UBN2: variants seen among roughly 807,000 people sequenced by gnomAD.
UBN2 encodes the protein ubinuclein 2.
In UBN2, 35 loss-of-function variants were observed where a neutral mutation model predicts 120.2. The ratio of observed to expected loss-of-function variants is 0.29; its 90% CI spans 0.22 to 0.39. The LOEUF is 0.39. Ranked by LOEUF, UBN2 falls within the 10% of genes least tolerant of loss-of-function variation. UBN2 has a pLI of 1.00. For synonymous variants in UBN2, 661 were observed against 648.7 expected (o/e 1.02, Z -0.29); for missense variants, 1,693 against 1,663.2 (o/e 1.02, Z -0.31).
rs139868110 is a variant in UBN2, at chr7:139,290,226, G to T, written c.3670-3006G>T. Reference sequence around the variant, plus strand: ...TGGGATTACAGGCATGAGCCACCGTGCCTTGCCAACTCTGGTTAATTTTTA... The same window carrying T: ...TGGGATTACAGGCATGAGCCACCGTTCCTTGCCAACTCTGGTTAATTTTTA... On this transcript the variant is annotated intron_variant, in intron 15 of 17. Coordinates refer to ENST00000473989, the MANE Select transcript of UBN2 (RefSeq NM_173569.4). Among the ~76,000 whole-genome samples the T allele has an allele frequency of 4.5e-3, 685 of 152,302 alleles. 9 individuals are homozygous for T. The highest frequency in any genetic ancestry group is 0.015 in the African/African-American group (640 of 41,580).
intron 5 of UBN2, among the ~76,000 whole-genome samples, chr7:139,260,956 A>G (rs1367639995): frequency 2.0e-5 from 3 of 152,242 alleles, no homozygotes; most frequent in Non-Finnish European, 4.4e-5. Context: ...TGTAGTGCAC[A>G]TAGAAGCATT....
intron 2 of UBN2, among the ~76,000 whole-genome samples, chr7:139,238,552 T>G (rs1038254457): frequency 6.6e-6 from 1 of 152,112 alleles, no homozygotes; most frequent in Non-Finnish European, 1.5e-5. Flanking sequence ...GCCACCTGAG[T>G]AGCTGGGATT....
intron 15 of UBN2, among the ~76,000 whole-genome samples, chr7:139,286,385 C>G (rs1280803884): frequency 2.0e-5 from 3 of 152,142 alleles, no homozygotes; most frequent in African/African-American, 7.2e-5. Context: ...TCTCTGTCTT[C>G]CATATCATCT....
At chr7:139,270,738 T>G (rs1585011656) in intron 8 of UBN2, among the ~76,000 whole-genome samples, 1 of 152,020 alleles carries the variant, frequency 6.6e-6, no homozygotes. Context: ...ATACCAGATG[T>G]TCACTTTTTA....
chr7:139,255,604 A>G (rs1290572789), intron 3 of UBN2, among the ~76,000 whole-genome samples: 2 of 152,152 alleles, frequency 1.3e-5, no homozygotes, highest in African/African-American at 4.8e-5. Context: ...AAAATAACTT[A>G]GTGTCTTTGC....
chr7:139,265,666 C>T (rs1333077255), intron 6 of UBN2, among the ~76,000 whole-genome samples: 2 of 151,964 alleles, frequency 1.3e-5, no homozygotes, highest in African/African-American at 2.4e-5. Context: ...CACTTGTATG[C>T]TTAGAAGAGG....
At position 139,293,458 on chromosome 7, in the gene UBN2, C is replaced by A. The variant is rs533336832; in HGVS notation, c.3896C>A (p.Thr1299Asn). 9.9e-6 allele frequency: 16 copies of A among 1,614,044 alleles called. No homozygotes were observed. In the East Asian group the frequency reaches 2.2e-4, roughly 22 times the overall value. The change falls in exon 16 of 18, where the codon ACT becomes AAT. Residue 1299 changes from threonine to asparagine, a missense_variant. By Grantham distance (65) the Thr-to-Asn change is moderately conservative. Transcript: ENST00000473989. ...STSAAFHHSLTQNLLKGLQPG... is the reference protein window; with the variant it reads ...STSAAFHHSLNQNLLKGLQPG... Reference sequence around the variant, plus strand: ...TCAGCCGCTTTCCACCATAGCCTAACTCAGAGTAAGTGGGGCTCTTCTATT... The same window carrying A: ...TCAGCCGCTTTCCACCATAGCCTAAATCAGAGTAAGTGGGGCTCTTCTATT...
In UBN2 at chr7:139,293,935, G is replaced by T. The variant is rs373030596; in HGVS notation, c.3948G>T (p.Thr1316=). Residue 1316 remains threonine, a synonymous_variant, in exon 17 of 18, where the codon ACG becomes ACT. Coordinates refer to ENST00000473989, the MANE Select transcript of UBN2 (RefSeq NM_173569.4). ...LQPGGAQHAA[T]LSHSPLPAHL... ...CAGGAGGAGCTCAGCATGCAGCAACGCTTTCCCACTCACCTCTGCCTGCAC... is the reference window on the plus strand; with the variant it reads ...CAGGAGGAGCTCAGCATGCAGCAACTCTTTCCCACTCACCTCTGCCTGCAC... 7.4e-5 allele frequency: 119 copies of T among 1,613,952 alleles called. 2 individuals carry two copies. The highest frequency in any genetic ancestry group is 2.5e-6 in the Non-Finnish European group (3 of 1,180,012).
intron 15 of UBN2, among the ~76,000 whole-genome samples, chr7:139,291,665 A>T (rs1201882919): frequency 6.6e-6 from 1 of 151,948 alleles, no homozygotes; most frequent in Non-Finnish European, 1.5e-5. Context: ...AGCCTGAGCA[A>T]CACAGACCCC....
At position 139,241,708 on chromosome 7, in the gene UBN2, T is replaced by G. The variant is rs144712662; in HGVS notation, c.561+4611T>G. Among the ~76,000 whole-genome samples, 1,181 of 152,134 alleles carry G rather than the reference T, an allele frequency of 7.8e-3. 5 individuals are homozygous for G. Among genetic ancestry groups the G allele is most frequent in the Middle Eastern group, 0.017 (5 of 294 alleles). ...CTGTCTCTAATAAGAATAAGAATAA[T>G]AAAATCAGCTAGGTGAAGCGGCCCG... On this transcript the variant is annotated intron_variant, in intron 2 of 17. Transcript: ENST00000473989.
Position 139,273,345 on chromosome 7 carries a change from T to C in UBN2, c.1764T>C (p.Asp588=). 1 of 1,610,282 alleles carries C rather than the reference T, an allele frequency of 6.2e-7. No individual in the cohort carries two copies. Among genetic ancestry groups the C allele is most frequent in the Non-Finnish European group, 8.5e-7 (1 of 1,177,892 alleles). ...AAAAAAATGGATCTGAAGAGGATGATGATGAGAAACCAGGAAAACGTGTCA... is the reference window on the plus strand; with the variant it reads ...AAAAAAATGGATCTGAAGAGGATGACGATGAGAAACCAGGAAAACGTGTCA... ...EREKNGSEED[D]DEKPGKRVIG... Residue 588 remains aspartate, a synonymous_variant, in exon 10 of 18, where the codon GAT becomes GAC. Coordinates refer to ENST00000473989, the MANE Select transcript of UBN2 (RefSeq NM_173569.4).
the UBN2 span, among the ~76,000 whole-genome samples, chr7:139,322,617 C>T: frequency 3.1e-4 from 32 of 102,756 alleles, no homozygotes; most frequent in African/African-American, 6.9e-4. Context: ...ACCATCTGGA[C>T]TTTTTTTTTT....
chr7:139,259,168 C>G (rs895471235), intron 4 of UBN2, 99 bp from the exon 5 acceptor site: 4 of 1,510,400 alleles, frequency 2.6e-6, no homozygotes, highest in Non-Finnish European at 3.5e-6. Flanking sequence ...GTAATGCACA[C>G]TGACATTTGA....
At position 139,299,624 on chromosome 7, in the gene UBN2, C is replaced by G. The variant is rs1563232196; in HGVS notation, c.*1788C>G. 1.3e-5 allele frequency: 2 copies of G among 152,072 alleles called. No homozygotes were observed. Among genetic ancestry groups the G allele is most frequent in the Non-Finnish European group, 2.9e-5 (2 of 68,004 alleles). The allele number at this position is 152,072 out of a possible 1,614,324, so 9.4% of individuals were successfully genotyped here. A position where few individuals can be genotyped will look rare whatever the true frequency, so the allele number is the denominator to read the frequency against. On this transcript the variant is annotated 3_prime_UTR_variant, in exon 18 of 18. Transcript: ENST00000473989. ...GAATCACTGATATAATTTCTTGACT[C>G]TAAGAATTTAGTTTATCAATAAAAC...
Position 139,259,154 on chromosome 7 carries a change from G to T in UBN2, c.802-113G>T. 8.2e-6 allele frequency: 12 copies of T among 1,456,738 alleles called. No individual in the cohort carries two copies. The South Asian group carries it at 1.3e-4, about 16-fold the overall frequency. 90.2% of individuals were successfully genotyped at this position (1,456,738 alleles called of 1,614,324 possible). On this transcript the variant is annotated intron_variant, in intron 4 of 17. Coordinates refer to ENST00000473989, the MANE Select transcript of UBN2 (RefSeq NM_173569.4). The stretch of plus-strand genomic sequence containing the variant: ...CCAAGGATCTGCAGTTATAACAAAC[G>T]ATTGTAATGCACACTGACATTTGAG...
At chr7:139,326,107 T>G in the UBN2 span, among the ~76,000 whole-genome samples, 2 of 151,916 alleles carry the variant, frequency 1.3e-5, no homozygotes, top group Non-Finnish European at 2.9e-5. Flanking sequence ...ATTACAAAAA[T>G]TAACCAGGCG....
rs115993919 is a variant in UBN2 at position 139,264,532 on chromosome 7, T to C, written c.1396-1801T>C. 7.5e-3 allele frequency among the ~76,000 whole-genome samples: 1,139 copies of C among 152,224 alleles called. 16 individuals are homozygous for C. The highest frequency in any genetic ancestry group is 0.026 in the African/African-American group (1,094 of 41,524). ...GAAGTCTGCAACTTCAATGTGGGGG[T>C]TGATCACACGATTTGGACCTCTTTT... On this transcript the variant is annotated intron_variant, in intron 6 of 17. Transcript: ENST00000473989.
In UBN2 at chr7:139,283,163, A is replaced by G. The variant is rs949572389; in HGVS notation, c.2258A>G (p.Asp753Gly). 9 of 1,611,848 alleles carry G rather than the reference A, an allele frequency of 5.6e-6. No homozygotes were observed. The highest frequency in any genetic ancestry group is 7.6e-6 in the Non-Finnish European group (9 of 1,179,718). The change falls in exon 15 of 18, where the codon GAC becomes GGC. Residue 753 changes from aspartate to glycine, a missense_variant. This residue lies in a region of UBN2 where 837 missense variants were observed against 817.6 expected (regional missense o/e 1.02). Transcript: ENST00000473989. ...SAPAQETICLDDSLDEDLSFH... is the reference protein window; with the variant it reads ...SAPAQETICLGDSLDEDLSFH... ...CCAGCCCAAGAAACCATCTGCCTCG[A>G]CGACTCACTAGATGAAGACCTTTCT... is the stretch of plus-strand genomic sequence containing the variant.
Position 139,284,594 on chromosome 7 carries a change from C to T in UBN2, c.3669+20C>T. On this transcript the variant is annotated intron_variant, in intron 15 of 17. Transcript: ENST00000473989. ...GTGCAGGTATGTATGTTCTGTACGT[C>T]CATGTGATAAACTATAAGATTGTAT... 1 of 1,569,126 alleles carries T rather than the reference C, an allele frequency of 6.4e-7. No homozygotes were observed. The highest frequency in any genetic ancestry group is 1.2e-5 in the South Asian group (1 of 86,950).
Sources: allele counts gnomAD v4.1 joint callset (sites outside exome capture counted in the v4.1 genomes callset), GRCh38; gene constraint gnomAD v4.1.1; regional missense constraint gnomAD v4.1.1; transcripts MANE v1.5; gene names NCBI Gene and HGNC (gene_info 2026-07-23, HGNC 2026-07-21).